Variants in ITGA8 observed in about 807,000 individuals in gnomAD.
ITGA8 encodes the protein integrin subunit alpha 8, also known as integrin alpha-8.
A neutral mutation model predicts 142.3 loss-of-function variants in ITGA8; 91 were observed. That is an observed-to-expected ratio of 0.64 (90% confidence interval 0.54 to 0.76). ITGA8 has a LOEUF of 0.76. Among genes scored for constraint, ITGA8 ranks in the 30% least tolerant of loss-of-function variants. ITGA8 has a pLI of 0.00. For synonymous variants in ITGA8, 505 were observed against 485.2 expected, an observed-to-expected ratio of 1.04 and a Z score of -0.54; for missense variants, 1,406 against 1,327.7, an observed-to-expected ratio of 1.06 and a Z score of -0.92.
chr10:15,632,032 C>G (rs993695786), intron 13 of ITGA8, among the ~76,000 whole-genome samples: 1 of 151,922 alleles, frequency 6.6e-6, no homozygotes, highest in African/African-American at 2.4e-5. Context: ...TATTTACTAC[C>G]TATGAGTGGG....
At chr10:15,627,991 C>T (rs537800052) in intron 13 of ITGA8, among the ~76,000 whole-genome samples, 1 of 152,086 alleles carries the variant, frequency 6.6e-6, no homozygotes, top group African/African-American at 2.4e-5. Context: ...GCTCACTGCT[C>T]ATTATATGCT....
chr10:15,531,262 C>T (rs893390794), intron 27 of ITGA8, 111 bp from the exon 28 acceptor site: 1 of 526,114 alleles, frequency 1.9e-6, no homozygotes, highest in African/African-American at 2.0e-5. Flanking sequence ...AAATTTCCTC[C>T]TTCCTTTTTA....
At chr10:15,637,512 T>TG (rs1182982619) in intron 13 of ITGA8, among the ~76,000 whole-genome samples, 4 of 143,552 alleles carry the variant, frequency 2.8e-5, no homozygotes, top group Admixed American at 7.4e-5. Flanking sequence ...AAATTTTTTT[T>TG]TTTTTTTTTT....
intron 26 of ITGA8, among the ~76,000 whole-genome samples, chr10:15,554,718 C>CCTTTCTTTCTTT (rs140932453): frequency 1.2e-4 from 18 of 149,062 alleles, no homozygotes; most frequent in East Asian, 8.0e-4. Flanking sequence ...CTTTGCAAAT[C>CCTTTCTTTCTTT]CTTTCTTTCT....
At chr10:15,555,863 T>A (rs1833878124) in intron 26 of ITGA8, among the ~76,000 whole-genome samples, 1 of 150,420 alleles carries the variant, frequency 6.6e-6, no homozygotes, top group African/African-American at 2.4e-5. Context: ...GCCCGGATAA[T>A]TTTTTTTGTA....
At chr10:15,566,638 G>T (rs570397471) in intron 25 of ITGA8, among the ~76,000 whole-genome samples, 2 of 151,170 alleles carry the variant, frequency 1.3e-5, no homozygotes, top group African/African-American at 4.9e-5. Flanking sequence ...TGGTGAAACC[G>T]CATCTCTACA....
At chr10:15,621,169 C>CT (rs11417286) in intron 13 of ITGA8, among the ~76,000 whole-genome samples, 38,116 of 142,666 alleles carry the variant, frequency 0.27, 5,045 homozygotes, top group Admixed American at 0.34. Context: ...CTTAAGCTGG[C>CT]TTTTTTTTTT....
chr10:15,684,276 G>A, intron 3 of ITGA8, 149 bp from the exon 4 acceptor site: 6 of 701,992 alleles, frequency 8.5e-6, no homozygotes, highest in South Asian at 2.3e-5. Flanking sequence ...GTCATCAGAG[G>A]TAATTAAACT....
Position 15,717,069 on chromosome 10 carries a change from A to G in ITGA8, c.343+1697T>C, listed in dbSNP as rs1835468034. Among the ~76,000 whole-genome samples the G allele has an allele frequency of 2.6e-5, 4 of 152,222 alleles. No individual in the cohort carries two copies. In the South Asian group the frequency reaches 8.3e-4, roughly 32 times the overall value. ...CTGGTTTTTAATCTGTTGGCCTATG[A>G]CATCTATTGGGATGAGTACTTACAA... On this transcript the variant is annotated intron_variant, in intron 2 of 29. Coordinates refer to ENST00000378076, the MANE Select transcript of ITGA8 (RefSeq NM_003638.3).
At chr10:15,662,678 G>T (rs57187181) in intron 8 of ITGA8, among the ~76,000 whole-genome samples, 4 of 152,090 alleles carry the variant, frequency 2.6e-5, no homozygotes, top group African/African-American at 7.2e-5. Flanking sequence ...GAAAAATTTA[G>T]ATCCTTGACC....
At chr10:15,705,303 C>G (rs928547090) in intron 2 of ITGA8, among the ~76,000 whole-genome samples, 1 of 152,226 alleles carries the variant, frequency 6.6e-6, no homozygotes, top group African/African-American at 2.4e-5. Context: ...TTGACCTCCT[C>G]AACCTCAGAT....
intron 8 of ITGA8, among the ~76,000 whole-genome samples, chr10:15,663,162 G>A (rs1371751691): frequency 6.6e-6 from 1 of 152,080 alleles, no homozygotes; most frequent in Non-Finnish European, 1.5e-5. Flanking sequence ...ATTCCCTGTT[G>A]TCTAATTAAG....
intron 26 of ITGA8, among the ~76,000 whole-genome samples, chr10:15,556,183 C>T (rs1017839899): frequency 3.3e-5 from 5 of 151,848 alleles, no homozygotes; most frequent in East Asian, 1.9e-4. Flanking sequence ...CCTGCCACCA[C>T]GCCCAGATAA....
At chr10:15,519,104 T>C (rs1417722966) in intron 29 of ITGA8, among the ~76,000 whole-genome samples, 186 bp downstream of exon 29, 1 of 152,216 alleles carries the variant, frequency 6.6e-6, no homozygotes, top group East Asian at 1.9e-4. Context: ...ATCTTAAATG[T>C]CAGCTATATA....
chr10:15,637,290 G>A (rs1833787860), intron 13 of ITGA8, among the ~76,000 whole-genome samples: 1 of 152,024 alleles, frequency 6.6e-6, no homozygotes, highest in Non-Finnish European at 1.5e-5. Flanking sequence ...TCTATTCTGA[G>A]CCATTTGACA....
intron 23 of ITGA8, 105 bp downstream of exon 23, chr10:15,586,479 C>T (rs1482324901): frequency 3.1e-6 from 2 of 645,544 alleles, no homozygotes; most frequent in East Asian, 2.7e-5. Flanking sequence ...CCAAAATGAA[C>T]TGTGATCTCT....
Position 15,718,856 on chromosome 10 carries a change from G to T in ITGA8, c.253C>A (p.Pro85Thr). 6.2e-7 allele frequency: 1 copy of T among 1,614,136 alleles called. No homozygotes were observed. The highest frequency in any genetic ancestry group is 8.5e-7 in the Non-Finnish European group (1 of 1,180,032). ...VGAPKANTSQ[P>T]DIVEGGAVYY... ...ACGGCTCCCCCTTCCACGATATCGG[G>T]CTGGCTGGTGTTGGCTTTGGGCGCC... The change falls in exon 2 of 30, where the codon CCC (proline) becomes ACC (threonine). Residue 85 changes from proline (P) to threonine (T), a missense_variant. Coordinates refer to ENST00000378076, the MANE Select transcript of ITGA8 (RefSeq NM_003638.3).
intron 20 of ITGA8, 53 bp from the exon 21 acceptor site, chr10:15,597,352 C>T: frequency 6.9e-7 from 1 of 1,448,112 alleles, no homozygotes; most frequent in Non-Finnish European, 9.7e-7. Context: ...GACATCCTGA[C>T]ACAAAAGCCA....
chr10:15,648,337 T>A (rs888541354), intron 11 of ITGA8, among the ~76,000 whole-genome samples: 6 of 151,954 alleles, frequency 3.9e-5, no homozygotes, highest in African/African-American at 1.4e-4. Context: ...GATTAGGCAA[T>A]ATGCTGAAGT....
Sources: gnomAD v4.1 joint callset for allele counts (sites outside exome capture counted in the v4.1 genomes callset) on GRCh38, gnomAD v4.1.1 for gene constraint, MANE v1.5 for transcripts, NCBI Gene and HGNC (gene_info 2026-07-23, HGNC 2026-07-21) for gene names.